ZNF610: variants seen among roughly 807,000 people sequenced by gnomAD.
ZNF610 encodes zink finger protein.
Under a neutral mutation model 14.1 loss-of-function variants are expected in ZNF610, and 14 were observed. That is an observed-to-expected ratio of 0.99 (90% CI 0.65 to 1.55). The LOEUF is 1.55. ZNF610 is among the 40% of genes most tolerant of loss of function. The pLI, the probability that ZNF610 is intolerant of heterozygous loss-of-function variation, is 0.00. For synonymous variants in ZNF610, 185 were observed against 187.6 expected (o/e 0.99, Z 0.11); for missense variants, 530 against 558.0 (o/e 0.95, Z 0.51).
At chr19:52,344,448 C>A (rs1414367739) in intron 1 of ZNF610, among the ~76,000 whole-genome samples, 1 of 152,142 alleles carries the variant, frequency 6.6e-6, no homozygotes, top group Non-Finnish European at 1.5e-5. Flanking sequence ...AGCAAGGACC[C>A]AAGGGGAGAG....
the ZNF610 span, among the ~76,000 whole-genome samples, chr19:52,330,580 A>G: frequency 1.3e-5 from 2 of 152,220 alleles, no homozygotes; most frequent in Non-Finnish European, 2.9e-5. Flanking sequence ...TCTAGTGAGC[A>G]TCTCCAAAGA....
chr19:52,350,753 C>A (rs536566771), intron 3 of ZNF610, among the ~76,000 whole-genome samples: 29 of 152,288 alleles, frequency 1.9e-4, no homozygotes, highest in Non-Finnish European at 3.7e-4. Context: ...GTAATACCAG[C>A]GCTTTGGGAG....
chr19:52,359,418 G>GA (rs1985675767), intron 5 of ZNF610, among the ~76,000 whole-genome samples: 1 of 152,116 alleles, frequency 6.6e-6, no homozygotes, highest in Admixed American at 6.5e-5. Flanking sequence ...TTGCAGATCA[G>GA]AAATCCACAG....
chr19:52,351,479 C>G (rs1985247913), intron 3 of ZNF610, among the ~76,000 whole-genome samples: 1 of 151,456 alleles, frequency 6.6e-6, no homozygotes, highest in African/African-American at 2.4e-5. Context: ...AGAAAGAAAT[C>G]AGTCACCTCT....
upstream of ZNF610, among the ~76,000 whole-genome samples, chr19:52,334,883 C>A (rs1049136436): frequency 1.4e-5 from 2 of 145,236 alleles, no homozygotes; most frequent in Non-Finnish European, 3.0e-5. Context: ...GAGCTGAAAC[C>A]GTGTCACTGC....
At chr19:52,332,485 G>C (rs1455883190), upstream of ZNF610, among the ~76,000 whole-genome samples, 1 of 152,198 alleles carries the variant, frequency 6.6e-6, no homozygotes, top group East Asian at 1.9e-4. The surrounding 1 kb of genome is among the most constrained non-coding windows in gnomAD (Gnocchi z 4.1). Context: ...GGGACAGCAA[G>C]CTGAATCTAA....
In ZNF610 at chr19:52,365,928, A is replaced by T; in HGVS notation, c.550A>T (p.Ile184Phe). 6.2e-7 allele frequency: 1 copy of T among 1,612,976 alleles called. No homozygotes were observed. Among genetic ancestry groups the T allele is most frequent in the East Asian group, 2.2e-5 (1 of 44,868 alleles). Residue 184 changes from isoleucine to phenylalanine, a missense_variant, in exon 6 of 6, where the codon ATT becomes TTT. Ile to Phe is a conservative substitution (Grantham distance 21). Coordinates refer to ENST00000403906, the MANE Select transcript of ZNF610 (RefSeq NM_001161425.2). Reference sequence around the variant, plus strand: ...TTTTAATAAATATAGAAATGATCTTATTGATTTCCCATTACTCCCACAAGA... The same window carrying T: ...TTTTAATAAATATAGAAATGATCTTTTTGATTTCCCATTACTCCCACAAGA... ...HIFNKYRNDL[I>F]DFPLLPQEEK...
chr19:52,339,349 C>A (rs1984553775), intron 1 of ZNF610, among the ~76,000 whole-genome samples: 1 of 151,924 alleles, frequency 6.6e-6, no homozygotes, highest in African/African-American at 2.4e-5. Context: ...AGGTCTTTCC[C>A]TTCCCATGAG....
Position 52,365,697 on chromosome 19 carries a change from G to A in ZNF610, c.320-1G>A. ...ATGTTCTACTCTTTCTTCTTTTCTA[G>A]GGAGGAGCTGTGTATTGGGAAGCAA... On this transcript the variant is annotated splice_acceptor_variant, in intron 5 of 5. Coordinates refer to ENST00000403906, the MANE Select transcript of ZNF610 (RefSeq NM_001161425.2). LOFTEE classifies it high-confidence loss of function. The A allele has an allele frequency of 1.3e-6, 2 of 1,594,824 alleles. No homozygotes were observed. The highest frequency in any genetic ancestry group is 1.4e-5 in the African/African-American group (1 of 73,852).
chr19:52,361,428 C>T (rs1306113012), intron 5 of ZNF610, among the ~76,000 whole-genome samples: 4 of 152,066 alleles, frequency 2.6e-5, no homozygotes, highest in Non-Finnish European at 5.9e-5. Flanking sequence ...CCACCCGCCT[C>T]GGCCTCCCAA....
At chr19:52,361,219 C>T (rs1600239805) in intron 5 of ZNF610, among the ~76,000 whole-genome samples, 1 of 150,654 alleles carries the variant, frequency 6.6e-6, no homozygotes, top group East Asian at 2.0e-4. Context: ...GCTCTTGTTG[C>T]CCAGGCTGGA....
Position 52,349,236 on chromosome 19 carries a change from G to A in ZNF610, c.63+1G>A, listed in dbSNP as rs758194579. 6 of 1,612,876 alleles carry A rather than the reference G, an allele frequency of 3.7e-6. No homozygotes were observed. The highest frequency in any genetic ancestry group is 1.6e-4 in the Middle Eastern group (1 of 6,078). On this transcript the variant is annotated splice_donor_variant, in intron 3 of 5. Transcript: ENST00000403906. LOFTEE classifies it high-confidence loss of function. ...GGAGTCAGGGATGGCTCTTCCTCAGGTAAAGTGATATTCTCGGTGGTTGGT... is the reference window on the plus strand; with the variant it reads ...GGAGTCAGGGATGGCTCTTCCTCAGATAAAGTGATATTCTCGGTGGTTGGT...
chr19:52,336,261 C>A lies in ZNF610; in HGVS notation c.-503C>A. ...GTTTTTTGCAGACCCGGAAGCGGATCGCGTGGGTAGAAGGTCACACCGCAG... is the reference window on the plus strand; with the variant it reads ...GTTTTTTGCAGACCCGGAAGCGGATAGCGTGGGTAGAAGGTCACACCGCAG... On this transcript the variant is annotated 5_prime_UTR_variant, in exon 1 of 6. Transcript: ENST00000403906. 3.7e-6 allele frequency: 1 copy of A among 271,002 alleles called. No homozygotes were observed. Among genetic ancestry groups the A allele is most frequent in the Non-Finnish European group, 7.0e-6 (1 of 141,976 alleles). 16.8% of individuals were successfully genotyped at this position (271,002 alleles called of 1,614,324 possible). A position where few individuals can be genotyped will look rare whatever the true frequency, so the allele number is the denominator to read the frequency against.
chr19:52,340,165 C>T (rs903020728), intron 1 of ZNF610, among the ~76,000 whole-genome samples: 6 of 152,186 alleles, frequency 3.9e-5, no homozygotes, highest in African/African-American at 1.4e-4. Flanking sequence ...CTTTGGGAGG[C>T]TGACTCAGGC....
intron 5 of ZNF610, among the ~76,000 whole-genome samples, chr19:52,363,396 G>T (rs1454631359): frequency 6.6e-6 from 1 of 152,138 alleles, no homozygotes; most frequent in Non-Finnish European, 1.5e-5. Flanking sequence ...CTCCCAAAGT[G>T]CTGGGATTAC....
intron 1 of ZNF610, chr19:52,344,126 G>A (rs2122190516): frequency 6.6e-6 from 1 of 152,220 alleles, no homozygotes; most frequent in Non-Finnish European, 1.5e-5. Flanking sequence ...CAGCACACAA[G>A]TCATTCATGT....
intron 1 of ZNF610, among the ~76,000 whole-genome samples, chr19:52,337,732 C>G (rs1343393778): frequency 6.6e-6 from 1 of 152,130 alleles, no homozygotes; most frequent in Admixed American, 6.6e-5. Flanking sequence ...ACTGATTTCT[C>G]TAATTGTAAT....
chr19:52,343,730 G>A (rs920544451), intron 1 of ZNF610, among the ~76,000 whole-genome samples: 3 of 152,128 alleles, frequency 2.0e-5, no homozygotes, highest in African/African-American at 7.2e-5. Context: ...CCGCTAGAGG[G>A]CAGTGCTGGT....
chr19:52,342,302 A>G (rs1000730326), intron 1 of ZNF610, among the ~76,000 whole-genome samples: 8 of 152,092 alleles, frequency 5.3e-5, no homozygotes, highest in African/African-American at 1.9e-4. Context: ...AACAAAAAAT[A>G]TTATATTAAC....
Sources: gnomAD v4.1 joint callset for allele counts (sites outside exome capture counted in the v4.1 genomes callset) on GRCh38, gnomAD v4.1.1 for gene constraint, Gnocchi (gnomAD v3.1) non-coding constraint, MANE v1.5 for transcripts, NCBI Gene and HGNC (gene_info 2026-07-23, HGNC 2026-07-21) for gene names.